The following MALRD1 variants were observed in gnomAD, a reference collection of about 807,000 sequenced individuals.
MALRD1 encodes MAM and LDL receptor class A domain containing 1.
Under a neutral mutation model 242.1 loss-of-function variants are expected in MALRD1, and 247 were observed. That is an observed-to-expected ratio of 1.02 (90% CI 0.92 to 1.13). MALRD1 has a LOEUF of 1.13. Ranked by LOEUF, MALRD1 falls within the 50% of genes most tolerant of loss-of-function variation. MALRD1 has a pLI of 0.00. For missense variants in MALRD1, 2,989 were observed against 2,533.1 expected (o/e 1.18, Z -3.86); for synonymous variants, 995 against 866.6 (o/e 1.15, Z -2.60).
Position 19,459,538 on chromosome 10 carries a change from G to A in MALRD1, c.5029+9048G>A, listed in dbSNP as rs186735875. On this transcript the variant is annotated intron_variant, in intron 29 of 39. Transcript: ENST00000454679. Reference sequence around the variant, plus strand: ...ATCAGGGACTAGTTCTTTTTTTCTGGTCCAAGGCCATTCTTTAAACAAAAG... The same window carrying A: ...ATCAGGGACTAGTTCTTTTTTTCTGATCCAAGGCCATTCTTTAAACAAAAG... Among the ~76,000 whole-genome samples the A allele has an allele frequency of 2.6e-3, 392 of 151,770 alleles. 2 individuals are homozygous for A. Among genetic ancestry groups the A allele is most frequent in the Non-Finnish European group, 2.2e-3 (151 of 67,880 alleles).
chr10:19,306,673 G>A (rs1295647434), intron 21 of MALRD1, among the ~76,000 whole-genome samples: 1 of 150,928 alleles, frequency 6.6e-6, no homozygotes, highest in African/African-American at 2.4e-5. Flanking sequence ...GACATACCCA[G>A]GACTCAGTAA....
At chr10:19,560,228 G>T (rs1430360430) in intron 32 of MALRD1, among the ~76,000 whole-genome samples, 1 of 152,176 alleles carries the variant, frequency 6.6e-6, no homozygotes, top group Non-Finnish European at 1.5e-5. Flanking sequence ...CAGCACTTTG[G>T]GAGGCTGAGG....
At chr10:19,145,841 AG>A (rs1358876406) in intron 10 of MALRD1, among the ~76,000 whole-genome samples, 1 of 151,872 alleles carries the variant, frequency 6.6e-6, no homozygotes, top group Non-Finnish European at 1.5e-5. Flanking sequence ...CCCCCTTCCC[AG>A]TGGATTTTTT....
intron 13 of MALRD1, among the ~76,000 whole-genome samples, chr10:19,169,144 T>C (rs1324724307): frequency 6.6e-6 from 1 of 152,094 alleles, no homozygotes; most frequent in East Asian, 1.9e-4. Flanking sequence ...GCTGATTTCA[T>C]GATAGGTTTG....
At chr10:19,371,510 T>G (rs2130748722) in intron 26 of MALRD1, among the ~76,000 whole-genome samples, 1 of 152,304 alleles carries the variant, frequency 6.6e-6, no homozygotes, top group Non-Finnish European at 1.5e-5. Flanking sequence ...TTTTTTTCTT[T>G]TTTACTTTTA....
In MALRD1 at chr10:19,734,411, G is replaced by C. The variant is rs1328657278; in HGVS notation, c.*174G>C. On this transcript the variant is annotated 3_prime_UTR_variant, in exon 40 of 40. Transcript: ENST00000454679. ...TGCAGAATATAGAGAATGTTTATATGGAATCAGAATCAGTACCTTATCTTC... is the reference window on the plus strand; with the variant it reads ...TGCAGAATATAGAGAATGTTTATATCGAATCAGAATCAGTACCTTATCTTC... The C allele has an allele frequency of 4.1e-6, 2 of 490,170 alleles. No individual in the cohort carries two copies. The highest frequency in any genetic ancestry group is 4.0e-5 in the African/African-American group (2 of 50,612). 30.4% of individuals were successfully genotyped at this position (490,170 alleles called of 1,614,324 possible).
chr10:19,210,766 T>C (rs1335988502), intron 18 of MALRD1, among the ~76,000 whole-genome samples: 2 of 152,188 alleles, frequency 1.3e-5, no homozygotes, highest in Admixed American at 6.5e-5. Context: ...TTTGTCCAGA[T>C]AGATATAAAC....
At chr10:19,352,352 G>C in intron 26 of MALRD1, 55 bp downstream of exon 26, 2 of 1,465,680 alleles carry the variant, frequency 1.4e-6, no homozygotes, top group Admixed American at 4.2e-5. Flanking sequence ...AAGGTGAAAA[G>C]GAAGAAAGAA....
Position 19,128,344 on chromosome 10 carries a change from C to A in MALRD1, c.1067C>A (p.Ala356Glu). 1 of 1,233,138 alleles carries A rather than the reference C, an allele frequency of 8.1e-7. No individual in the cohort carries two copies. Among genetic ancestry groups the A allele is most frequent in the Non-Finnish European group, 1.0e-6 (1 of 987,608 alleles). 76.4% of individuals were successfully genotyped at this position (1,233,138 alleles called of 1,614,324 possible). Residue 356 changes from alanine (A) to glutamate (E), a missense_variant, in exon 8 of 40, where the codon GCA becomes GAA. Transcript: ENST00000454679. ...GKSCHLQFYY[A>E]MESSVLRVRL... is the part of the protein sequence containing the mutation. ...AGCTGTCATCTTCAATTCTATTATG[C>A]AATGGAAAGCAGTGTCCTGAGAGTA...
intron 29 of MALRD1, among the ~76,000 whole-genome samples, chr10:19,472,024 T>C (rs972290875): frequency 6.6e-6 from 1 of 151,990 alleles, no homozygotes; most frequent in African/African-American, 2.4e-5. Flanking sequence ...AAAACATTTT[T>C]CTTTTTCACC....
intron 36 of MALRD1, among the ~76,000 whole-genome samples, chr10:19,634,623 T>TA (rs1232092987): frequency 2.0e-5 from 3 of 152,078 alleles, no homozygotes; most frequent in Non-Finnish European, 4.4e-5. Context: ...ATTCTGTTGG[T>TA]AAGAAAGGAA....
chr10:19,238,435 TATATA>T (rs1838537285), intron 18 of MALRD1, among the ~76,000 whole-genome samples: 3 of 75,876 alleles, frequency 4.0e-5, no homozygotes, highest in Non-Finnish European at 6.9e-5. Flanking sequence ...TTATATATAA[TATATA>T]ATATACATTA....
In MALRD1 at chr10:19,571,760, C is replaced by T. The variant is rs575751934; in HGVS notation, c.5680+4057C>T. 1.2e-4 allele frequency among the ~76,000 whole-genome samples: 18 copies of T among 152,048 alleles called. No individual in the cohort carries two copies. The South Asian group carries it at 3.3e-3, about 28-fold the overall frequency. On this transcript the variant is annotated intron_variant, in intron 33 of 39. Transcript: ENST00000454679. ...TTAGGAAATGTGAAAAAGTCTATACCATTAAAACTACTAGCTTTGTTTGTC... is the reference window on the plus strand; with the variant it reads ...TTAGGAAATGTGAAAAAGTCTATACTATTAAAACTACTAGCTTTGTTTGTC...
chr10:19,625,458 C>T (rs150875171), intron 36 of MALRD1, among the ~76,000 whole-genome samples: 115 of 152,144 alleles, frequency 7.6e-4, no homozygotes, highest in African/African-American at 2.7e-3. Context: ...AGAATATCCT[C>T]TCTAGAACAT....
chr10:19,125,557 A>C (rs918256263), intron 7 of MALRD1, among the ~76,000 whole-genome samples: 24 of 144,454 alleles, frequency 1.7e-4, no homozygotes, highest in Admixed American at 3.5e-4. Context: ...CTTTTCTTGG[A>C]GGGGTGAGTA....
intron 14 of MALRD1, among the ~76,000 whole-genome samples, chr10:19,192,043 A>T (rs1226561561): frequency 6.6e-6 from 1 of 152,158 alleles, no homozygotes; most frequent in African/African-American, 2.4e-5. Context: ...AATAAAAAAA[A>T]AACTTGAGGA....
intron 18 of MALRD1, among the ~76,000 whole-genome samples, chr10:19,244,472 A>G (rs1024344027): frequency 6.6e-6 from 1 of 152,024 alleles, no homozygotes; most frequent in Admixed American, 6.6e-5. Flanking sequence ...TCCAAGGCTG[A>G]GGTGGGAGGA....
chr10:19,624,143 A>G (rs931996376), intron 36 of MALRD1, among the ~76,000 whole-genome samples: 2 of 150,440 alleles, frequency 1.3e-5, no homozygotes, highest in African/African-American at 5.0e-5. Flanking sequence ...TTTGGGACCT[A>G]ACAATTCCAT....
At chr10:19,101,475 A>G (rs1443785557) in intron 4 of MALRD1, among the ~76,000 whole-genome samples, 1 of 139,138 alleles carries the variant, frequency 7.2e-6, no homozygotes, top group Non-Finnish European at 1.5e-5. Flanking sequence ...TATAATTAAT[A>G]CTTGTATATT....
Sources: gnomAD v4.1 joint callset for allele counts (sites outside exome capture counted in the v4.1 genomes callset) on GRCh38, gnomAD v4.1.1 for gene constraint, MANE v1.5 for transcripts, NCBI Gene and HGNC (gene_info 2026-07-23, HGNC 2026-07-21) for gene names.